The following HPF1 variants were observed in gnomAD, a reference collection of about 807,000 sequenced individuals.
HPF1 encodes UPF0609 protein C4orf27.
Under a neutral mutation model 38.8 loss-of-function variants are expected in HPF1, and 35 were observed. That is an observed-to-expected ratio of 0.90 (90% confidence interval 0.69 to 1.19). HPF1 has a LOEUF of 1.19. HPF1 is among the 50% of genes most tolerant of loss of function. The pLI is 0.00. For missense variants in HPF1, 367 were observed against 405.8 expected (o/e 0.90, Z 0.82); for synonymous variants, 115 against 139.2 (o/e 0.83, Z 1.22).
chr4:169,753,339 T>G (rs1734143410), intron 2 of HPF1, among the ~76,000 whole-genome samples: 1 of 151,928 alleles, frequency 6.6e-6, no homozygotes, highest in South Asian at 2.1e-4. Context: ...TGGCCAATTA[T>G]TCTATGTTTT....
chr4:169,733,476 TG>T lies in HPF1; in HGVS notation c.737-1601del, dbSNP rs532660724. 3.5e-3 allele frequency among the ~76,000 whole-genome samples: 531 copies of T among 152,258 alleles called. 2 individuals are homozygous for T. The highest frequency in any genetic ancestry group is 0.012 in the African/African-American group (515 of 41,534). ...ATTTCCAAACAGGTGGCTGCCATAC[TG>T]GGGGAGAGGAAGACTGGTTAAAACA... On this transcript the variant is annotated intron_variant, in intron 6 of 7. Coordinates refer to ENST00000393381, the MANE Select transcript of HPF1 (RefSeq NM_017867.3).
At chr4:169,731,087 A>T (rs1287920086) in intron 7 of HPF1, among the ~76,000 whole-genome samples, 1 of 152,212 alleles carries the variant, frequency 6.6e-6, no homozygotes, top group Non-Finnish European at 1.5e-5. Flanking sequence ...GGAAGATGTG[A>T]TTTACAACCA....
rs569986210 is a variant in HPF1, at chr4:169,757,523, A to G, written c.48+307T>C. ...CCCCCAAATCCGCAGCGCCCCACAG[A>G]ATGTCAGGTATGTAATCGGTTCCCA... On this transcript the variant is annotated intron_variant, in intron 1 of 7. Coordinates refer to ENST00000393381, the MANE Select transcript of HPF1 (RefSeq NM_017867.3). 1.1e-4 allele frequency among the ~76,000 whole-genome samples: 16 copies of G among 152,246 alleles called. No homozygotes were observed. The East Asian group carries it at 2.5e-3, about 24-fold the overall frequency.
chr4:169,738,853 G>A (rs1476350117), intron 5 of HPF1, among the ~76,000 whole-genome samples: 11 of 152,148 alleles, frequency 7.2e-5, no homozygotes, highest in Admixed American at 7.2e-4. Flanking sequence ...CATGGATGAA[G>A]CTGGAACCCA....
chr4:169,747,158 C>G (rs545308167), intron 4 of HPF1, among the ~76,000 whole-genome samples: 8 of 150,180 alleles, frequency 5.3e-5, no homozygotes, highest in African/African-American at 2.0e-4. Flanking sequence ...GGGGCAGATA[C>G]TCTGCCCTCG....
At chr4:169,741,584 T>C (rs188913839) in intron 5 of HPF1, among the ~76,000 whole-genome samples, 24 of 152,350 alleles carry the variant, frequency 1.6e-4, no homozygotes, top group Admixed American at 5.9e-4. Flanking sequence ...GAGCACTGCT[T>C]ATATACACGT....
chr4:169,749,698 T>A (rs1238951779), intron 3 of HPF1, among the ~76,000 whole-genome samples: 5 of 129,678 alleles, frequency 3.9e-5, no homozygotes, highest in Non-Finnish European at 7.8e-5. Context: ...TCTTAGGACC[T>A]AGTTGCTTTT....
At chr4:169,735,698 C>T (rs2150289298) in intron 6 of HPF1, among the ~76,000 whole-genome samples, 1 of 152,240 alleles carries the variant, frequency 6.6e-6, no homozygotes, top group Admixed American at 6.5e-5. Flanking sequence ...AGATAGTAAT[C>T]ATGCTTTTTA....
intron 1 of HPF1, among the ~76,000 whole-genome samples, chr4:169,757,540 C>T (rs758568074): frequency 2.6e-5 from 4 of 152,170 alleles, no homozygotes; most frequent in Non-Finnish European, 5.9e-5. Context: ...GGTATGTAAT[C>T]GGTTCCCAAT....
Position 169,750,641 on chromosome 4 carries a change from G to A in HPF1, c.293C>T (p.Thr98Ile), listed in dbSNP as rs142995318. 6.3e-5 allele frequency: 101 copies of A among 1,613,658 alleles called. No homozygotes were observed. The highest frequency in any genetic ancestry group is 8.5e-5 in the Non-Finnish European group (100 of 1,179,750). The change falls in exon 3 of 8, where the codon ACA (threonine) becomes ATA (isoleucine). Residue 98 changes from threonine (T) to isoleucine (I), a missense_variant. By Grantham distance (89) the Thr-to-Ile change is moderately conservative (BLOSUM62 -1). Coordinates refer to ENST00000393381, the MANE Select transcript of HPF1 (RefSeq NM_017867.3). Reference protein sequence around the residue: ...AGKHKTKKKSTGLNFNLHWRF... With the variant: ...AGKHKTKKKSIGLNFNLHWRF... ...CCAGTGAAGGTTAAAATTCAGGCCTGTTGATTTTTTCTTCGTTTTATGTTT... is the reference window on the plus strand; with the variant it reads ...CCAGTGAAGGTTAAAATTCAGGCCTATTGATTTTTTCTTCGTTTTATGTTT...
At chr4:169,739,103 C>T (rs577913901) in intron 5 of HPF1, among the ~76,000 whole-genome samples, 2 of 151,996 alleles carry the variant, frequency 1.3e-5, no homozygotes, top group African/African-American at 2.4e-5. Flanking sequence ...CAAACCTGCA[C>T]GTTGTGCACA....
At chr4:169,736,788 A>G (rs1733901202) in intron 6 of HPF1, among the ~76,000 whole-genome samples, 1 of 152,244 alleles carries the variant, frequency 6.6e-6, no homozygotes, top group Non-Finnish European at 1.5e-5. Flanking sequence ...AGGATGATCA[A>G]TAAAGGAATA....
intron 3 of HPF1, 82 bp from the exon 4 acceptor site, chr4:169,748,924 C>A: frequency 4.4e-5 from 27 of 610,646 alleles, no homozygotes; most frequent in Admixed American, 6.2e-5. Flanking sequence ...CTACAGACAA[C>A]AATTTACACC....
chr4:169,756,955 G>C (rs1006446021), intron 1 of HPF1, among the ~76,000 whole-genome samples: 1 of 152,208 alleles, frequency 6.6e-6, no homozygotes, highest in Admixed American at 6.5e-5. Flanking sequence ...TATGAAGGAT[G>C]CCTATACCGA....
chr4:169,734,104 G>A (rs762208864), intron 6 of HPF1, among the ~76,000 whole-genome samples: 5 of 152,102 alleles, frequency 3.3e-5, no homozygotes, highest in African/African-American at 1.2e-4. Context: ...CACCACCTAC[G>A]TTTCTAACTA....
chr4:169,748,517 T>G (rs773779258), intron 4 of HPF1, among the ~76,000 whole-genome samples: 1 of 152,056 alleles, frequency 6.6e-6, no homozygotes, highest in African/African-American at 2.4e-5. Context: ...ATTACAGGTG[T>G]GTGCCACCAT....
chr4:169,749,720 C>CA (rs11413826), intron 3 of HPF1, among the ~76,000 whole-genome samples: 98,826 of 127,274 alleles, frequency 0.78, 37,274 homozygotes, highest in East Asian at 0.87. Flanking sequence ...TACTCAAATA[C>CA]AAAAAAAAAA....
Position 169,753,686 on chromosome 4 carries a change from TTCAGGA to T in HPF1, c.192_197del (p.Asp64_Pro65del). 1 of 1,611,166 alleles carries T rather than the reference TTCAGGA, an allele frequency of 6.2e-7. No homozygotes were observed. The highest frequency in any genetic ancestry group is 8.5e-7 in the Non-Finnish European group (1 of 1,179,432). ...TCTGGAGCAACTCACCAGATGGCTT[TTCAGGA>T]TCAAGTTCTTCACAGAACTTCCAGA... On this transcript the variant is annotated inframe_deletion, in exon 2 of 8. Transcript: ENST00000393381.
chr4:169,729,714 AAAAT>A lies in HPF1; in HGVS notation c.910-9_910-6del, dbSNP rs1217196464. ...GCCAGCAACTTTATGAAAATACTGA[AAAAT>A]AAAAATATAACATTAAGCAGAGAAT... On this transcript the variant is annotated splice_polypyrimidine_tract_variant and splice_region_variant and intron_variant, in intron 7 of 7. Coordinates refer to ENST00000393381, the MANE Select transcript of HPF1 (RefSeq NM_017867.3). 6.7e-7 allele frequency: 1 copy of A among 1,489,324 alleles called. No homozygotes were observed. The highest frequency in any genetic ancestry group is 2.5e-5 in the East Asian group (1 of 40,236). The allele number at this position is 1,489,324 out of a possible 1,614,324, so 92.3% of individuals were successfully genotyped here. A position where few individuals can be genotyped will look rare whatever the true frequency, so the allele number is the denominator to read the frequency against.
Sources: gnomAD v4.1 joint callset for allele counts (sites outside exome capture counted in the v4.1 genomes callset) on GRCh38, gnomAD v4.1.1 for gene constraint, MANE v1.5 for transcripts, NCBI Gene and HGNC (gene_info 2026-07-23, HGNC 2026-07-21) for gene names.